The following PPP2R5E variants were observed in gnomAD, a reference collection of about 807,000 sequenced individuals.
PPP2R5E encodes serine/threonine-protein phosphatase 2A 56 kDa regulatory subunit epsilon isoform.
Under a neutral mutation model 65.3 loss-of-function variants are expected in PPP2R5E, and 4 were observed. That is an observed-to-expected ratio of 0.06 (90% confidence interval 0.03 to 0.14). The LOEUF (loss-of-function observed/expected upper bound fraction) is 0.14. Ranked by LOEUF, PPP2R5E falls within the 10% of genes least tolerant of loss-of-function variation. The pLI is 1.00. For synonymous variants in PPP2R5E, 183 were observed against 187.4 expected, an observed-to-expected ratio of 0.98 and a Z score of 0.19; for missense variants, 274 against 556.1, an observed-to-expected ratio of 0.49 and a Z score of 5.10.
At chr14:63,485,195 TTAAAAA>T (rs1890917792) in intron 2 of PPP2R5E, among the ~76,000 whole-genome samples, 1 of 143,702 alleles carries the variant, frequency 7.0e-6, no homozygotes, top group Admixed American at 6.8e-5. Flanking sequence ...CTATACTCAT[TTAAAAA>T]AAAAAAAAAA....
At chr14:63,380,419 T>C (rs1363355959) in intron 13 of PPP2R5E, among the ~76,000 whole-genome samples, 1 of 152,008 alleles carries the variant, frequency 6.6e-6, no homozygotes, top group Non-Finnish European at 1.5e-5. Context: ...TCCCAGCACT[T>C]TGGGAGGCCG....
chr14:63,543,291 C>CA lies in PPP2R5E; in HGVS notation c.-521dup, dbSNP rs1893987937. On this transcript the variant is annotated 5_prime_UTR_variant, in exon 1 of 14. Transcript: ENST00000337537. The stretch of plus-strand genomic sequence containing the variant: ...ACCTTTCGCTACCCGCGGTGGGTCC[C>CA]AGTCAATGCCCCTTTCTCTCTCCTA... The CA allele has an allele frequency of 6.5e-6, 1 of 153,582 alleles. No homozygotes were observed. Among genetic ancestry groups the CA allele is most frequent in the African/African-American group, 2.4e-5 (1 of 41,470 alleles). The allele number at this position is 153,582 out of a possible 1,614,324, so 9.5% of individuals were successfully genotyped here.
rs1180346204 is a variant in PPP2R5E, at chr14:63,372,560, A to C, written c.*3449T>G. 1 of 147,814 alleles carries C rather than the reference A, an allele frequency of 6.8e-6. No homozygotes were observed. The highest frequency in any genetic ancestry group is 1.5e-5 in the Non-Finnish European group (1 of 67,754). 9.2% of individuals were successfully genotyped at this position (147,814 alleles called of 1,614,324 possible). On this transcript the variant is annotated 3_prime_UTR_variant, in exon 14 of 14. Transcript: ENST00000337537. ...GGTCAGTGCATCCAATTAAAAGGAA[A>C]AAAGGAAAACAAGGAAAAAAAACCA...
intron 2 of PPP2R5E, among the ~76,000 whole-genome samples, chr14:63,475,791 T>A (rs1030901091): frequency 6.6e-6 from 1 of 152,218 alleles, no homozygotes; most frequent in African/African-American, 2.4e-5. Context: ...ATAGTTTTTT[T>A]AAATAGCATG....
At chr14:63,410,297 G>A (rs367889864) in intron 5 of PPP2R5E, among the ~76,000 whole-genome samples, 11 of 152,272 alleles carry the variant, frequency 7.2e-5, no homozygotes, top group Admixed American at 2.0e-4. Context: ...AAAGGAAAAG[G>A]ATGTAGGTTT....
chr14:63,477,419 A>G (rs1890464175), intron 2 of PPP2R5E, among the ~76,000 whole-genome samples: 1 of 152,124 alleles, frequency 6.6e-6, no homozygotes, highest in Admixed American at 6.5e-5. Context: ...GGTTTACAGA[A>G]ATTATTTCAC....
At chr14:63,396,783 A>G (rs1885419976) in intron 5 of PPP2R5E, 67 bp from the exon 6 acceptor site, 2 of 1,563,670 alleles carry the variant, frequency 1.3e-6, no homozygotes, top group Non-Finnish European at 1.7e-6. Flanking sequence ...GAATTCTATT[A>G]TTTAAAATCC....
At chr14:63,489,803 G>A (rs1285676305) in intron 2 of PPP2R5E, among the ~76,000 whole-genome samples, 1 of 151,346 alleles carries the variant, frequency 6.6e-6, no homozygotes, top group Non-Finnish European at 1.5e-5. Context: ...TCAAGTACAA[G>A]TCATCTTCCT....
chr14:63,506,476 A>G (rs771374930), intron 2 of PPP2R5E, among the ~76,000 whole-genome samples: 7 of 152,146 alleles, frequency 4.6e-5, no homozygotes, highest in Non-Finnish European at 1.0e-4. Flanking sequence ...AATAATAATA[A>G]TAACAAAAAG....
At chr14:63,519,567 G>A (rs532969047) in intron 2 of PPP2R5E, among the ~76,000 whole-genome samples, 1 of 150,286 alleles carries the variant, frequency 6.7e-6, no homozygotes, top group African/African-American at 2.5e-5. Context: ...TTGGCCAGGG[G>A]GGTCTCGAAC....
chr14:63,407,130 TATG>T (rs1194374550), intron 5 of PPP2R5E, among the ~76,000 whole-genome samples: 8 of 152,238 alleles, frequency 5.3e-5, no homozygotes, highest in African/African-American at 9.6e-5. Flanking sequence ...ACAATGTGAT[TATG>T]ATATTTTGCA....
At chr14:63,384,803 C>T (rs1884569419) in intron 11 of PPP2R5E, among the ~76,000 whole-genome samples, 1 of 152,088 alleles carries the variant, frequency 6.6e-6, no homozygotes, top group African/African-American at 2.4e-5. Flanking sequence ...TCAAGCGATT[C>T]TCCTGCCTCA....
intron 7 of PPP2R5E, among the ~76,000 whole-genome samples, chr14:63,394,228 A>C (rs1413087871): frequency 6.6e-6 from 1 of 151,820 alleles, no homozygotes; most frequent in Non-Finnish European, 1.5e-5. Flanking sequence ...GATTACAGGC[A>C]CCCACCACCA....
At chr14:63,445,999 T>C (rs1326030227) in intron 3 of PPP2R5E, among the ~76,000 whole-genome samples, 1 of 152,222 alleles carries the variant, frequency 6.6e-6, no homozygotes, top group African/African-American at 2.4e-5. Context: ...TGCCACTGCT[T>C]GATCAACTAA....
chr14:63,403,675 T>G (rs1200901082), intron 5 of PPP2R5E, among the ~76,000 whole-genome samples: 1 of 150,964 alleles, frequency 6.6e-6, no homozygotes, highest in Non-Finnish European at 1.5e-5. Context: ...CTAGTTGATA[T>G]GTGGGCCATA....
intron 10 of PPP2R5E, among the ~76,000 whole-genome samples, chr14:63,389,976 C>T (rs192301661): frequency 3.9e-5 from 6 of 152,090 alleles, no homozygotes; most frequent in East Asian, 3.9e-4. Context: ...TTACATAGAA[C>T]GAGGGACACT....
chr14:63,523,986 AT>A (rs1019000086), intron 2 of PPP2R5E, among the ~76,000 whole-genome samples: 10 of 152,288 alleles, frequency 6.6e-5, no homozygotes, highest in Non-Finnish European at 1.0e-4. Context: ...CTCATAAGAT[AT>A]GGTGGAGGAG....
chr14:63,391,608 A>G (rs1411379285), intron 10 of PPP2R5E, among the ~76,000 whole-genome samples: 1 of 152,036 alleles, frequency 6.6e-6, no homozygotes, highest in Non-Finnish European at 1.5e-5. Context: ...TTTTTAGTAG[A>G]GATAGGGTTT....
In PPP2R5E at chr14:63,484,347, TCACACACACACA is replaced by T. The variant is rs199749451; in HGVS notation, c.158-30474_158-30463del. 5.6e-3 allele frequency among the ~76,000 whole-genome samples: 781 copies of T among 139,678 alleles called. 7 individuals carry two copies. The highest frequency in any genetic ancestry group is 9.0e-3 in the Non-Finnish European group (583 of 64,986). 91.6% of individuals were successfully genotyped at this position (139,678 alleles called of 152,430 possible). A position where few individuals can be genotyped will look rare whatever the true frequency, so the allele number is the denominator to read the frequency against. On this transcript the variant is annotated intron_variant, in intron 2 of 13. Coordinates refer to ENST00000337537, the MANE Select transcript of PPP2R5E (RefSeq NM_006246.5). ...CTTTCTTTCTCTTTCTCTCTCTCTC[TCACACACACACA>T]CACACACACACACACACACACACAC...
Sources: gnomAD v4.1 joint callset for allele counts (sites outside exome capture counted in the v4.1 genomes callset) on GRCh38, gnomAD v4.1.1 for gene constraint, MANE v1.5 for transcripts, NCBI Gene and HGNC (gene_info 2026-07-23, HGNC 2026-07-21) for gene names.